Variants in ZNF141 observed in about 807,000 individuals in gnomAD.
ZNF141 encodes zinc finger protein 141, also known as zinc finger protein 141 (clone pHZ-44).
ZNF141 carries 7 observed loss-of-function variants against 11.3 expected under a neutral mutation model. That is an observed-to-expected ratio of 0.62 (90% confidence interval 0.35 to 1.16). ZNF141 has a LOEUF of 1.16. ZNF141 is among the 50% of genes most tolerant of loss of function. The pLI is 0.02. For synonymous variants in ZNF141, 183 were observed against 190.7 expected, an observed-to-expected ratio of 0.96 and a Z score of 0.33; for missense variants, 535 against 554.0, an observed-to-expected ratio of 0.97 and a Z score of 0.34.
At position 379,066 on chromosome 4, in the gene ZNF141, A is replaced by G. The variant is rs899652191; in HGVS notation, c.*5204A>G. Among the ~76,000 whole-genome samples the G allele has an allele frequency of 6.6e-6, 1 of 151,806 alleles. No homozygotes were observed. Among genetic ancestry groups the G allele is most frequent in the Non-Finnish European group, 1.5e-5 (1 of 67,980 alleles). On this transcript the variant is annotated 3_prime_UTR_variant, in exon 4 of 4. Coordinates refer to ENST00000240499, the MANE Select transcript of ZNF141 (RefSeq NM_003441.4). ...CACTCTGTTGGCCAGGCTGGTCTCG[A>G]GCTCCTGTCCTCGTGATCCACGCAC...
intron 3 of ZNF141, among the ~76,000 whole-genome samples, chr4:354,465 TCTC>T (rs1721756134): frequency 6.6e-6 from 1 of 152,220 alleles, no homozygotes; most frequent in Admixed American, 6.5e-5. Context: ...GAGTATTTAC[TCTC>T]CTCCCTTTTC....
chr4:345,009 C>A (rs528677676), intron 3 of ZNF141, among the ~76,000 whole-genome samples: 3 of 152,234 alleles, frequency 2.0e-5, no homozygotes, highest in African/African-American at 7.2e-5. Flanking sequence ...TAAGGGGCTG[C>A]ATGATGTGAC....
At chr4:353,185 C>A (rs1251118512) in intron 3 of ZNF141, among the ~76,000 whole-genome samples, 1 of 152,050 alleles carries the variant, frequency 6.6e-6, no homozygotes, top group Non-Finnish European at 1.5e-5. Context: ...CCAGCCTGGG[C>A]AACCTGGTGA....
rs928591993 is a variant in ZNF141 at position 342,988 on chromosome 4, C to T, written c.4-794C>T. On this transcript the variant is annotated intron_variant, in intron 1 of 3. Coordinates refer to ENST00000240499, the MANE Select transcript of ZNF141 (RefSeq NM_003441.4). ...CTTATTTTTTAAAATCAGTTCCTTG[C>T]GTGGTTAAAAAAGTATTAAAAAAGT... The T allele has an allele frequency of 4.8e-5, 62 of 1,300,408 alleles. 1 individual carries two copies. In the Middle Eastern group the frequency reaches 9.8e-4, roughly 21 times the overall value. 80.6% of individuals were successfully genotyped at this position (1,300,408 alleles called of 1,614,324 possible).
rs189278615 is a variant in ZNF141, at chr4:344,402, G to A, written c.198G>A (p.Lys66=). The A allele has an allele frequency of 7.5e-5, 121 of 1,607,414 alleles. No homozygotes were observed. The East Asian group carries it at 1.6e-3, about 21-fold the overall frequency. ...LEQRKEPYNV[K]IHKIVARPPA... Reference sequence around the variant, plus strand: ...AAAGAAAAGAGCCCTACAATGTGAAGATACATAAGATCGTAGCCAGACCCC... The same window carrying A: ...AAAGAAAAGAGCCCTACAATGTGAAAATACATAAGATCGTAGCCAGACCCC... Residue 66 remains lysine, a synonymous_variant, in exon 3 of 4, where the codon AAG becomes AAA. Transcript: ENST00000240499.
chr4:344,045 A>C (rs797038610), intron 2 of ZNF141, 137 bp downstream of exon 2: 1 of 1,258,626 alleles, frequency 7.9e-7, no homozygotes, highest in Non-Finnish European at 1.1e-6. Flanking sequence ...TGAGTCCTTC[A>C]CTCTAGGTTA....
intron 3 of ZNF141, 145 bp from the exon 4 acceptor site, chr4:372,519 A>C: frequency 1.6e-6 from 1 of 636,810 alleles, no homozygotes; most frequent in Non-Finnish European, 2.4e-6. Flanking sequence ...TGTTTGCTAC[A>C]TGTATATGTC....
intron 3 of ZNF141, among the ~76,000 whole-genome samples, chr4:372,278 G>T (rs182765180): frequency 1.0e-3 from 152 of 152,354 alleles, no homozygotes; most frequent in African/African-American, 3.4e-3. Context: ...AAAGCCAGAA[G>T]TAAGGATATG....
intron 3 of ZNF141, among the ~76,000 whole-genome samples, chr4:366,629 A>G (rs1711756481): frequency 6.6e-6 from 1 of 151,696 alleles, no homozygotes; most frequent in African/African-American, 2.4e-5. Flanking sequence ...TTATCAGTGT[A>G]GAGAGTGTTC....
chr4:341,776 C>A (rs929492772), intron 1 of ZNF141, among the ~76,000 whole-genome samples: 7 of 152,180 alleles, frequency 4.6e-5, no homozygotes, highest in African/African-American at 1.7e-4. Flanking sequence ...TTTAGGGTGG[C>A]TACTCCAGTC....
chr4:343,768 A>G lies in ZNF141; in HGVS notation c.4-14A>G. On this transcript the variant is annotated splice_polypyrimidine_tract_variant and intron_variant, in intron 1 of 3. Coordinates refer to ENST00000240499, the MANE Select transcript of ZNF141 (RefSeq NM_003441.4). The stretch of plus-strand genomic sequence containing the variant: ...AAAAAAGAACTATGTCCCTTGATAT[A>G]TTTGTATTTTCAGGAACTCTTAACA... The G allele has an allele frequency of 9.1e-7, 1 of 1,097,878 alleles. No homozygotes were observed. The highest frequency in any genetic ancestry group is 2.7e-5 in the East Asian group (1 of 37,100). 68.0% of individuals were successfully genotyped at this position (1,097,878 alleles called of 1,614,324 possible).
At chr4:340,824 C>T (rs75234965) in intron 1 of ZNF141, among the ~76,000 whole-genome samples, 8 of 152,306 alleles carry the variant, frequency 5.3e-5, no homozygotes, top group South Asian at 2.1e-4. Context: ...AGCTTAACAA[C>T]GTACATAGCC....
In ZNF141 at chr4:384,036, C is replaced by G. The variant is rs148292370; in HGVS notation, c.*10174C>G. ...ATTTTTTTGTTCGAAATGTCAAGGACCTGGACAGTTCACACTCACGGCCTT... is the reference window on the plus strand; with the variant it reads ...ATTTTTTTGTTCGAAATGTCAAGGAGCTGGACAGTTCACACTCACGGCCTT... On this transcript the variant is annotated 3_prime_UTR_variant, in exon 4 of 4. Coordinates refer to ENST00000240499, the MANE Select transcript of ZNF141 (RefSeq NM_003441.4). 2.8e-4 allele frequency: 43 copies of G among 152,292 alleles called. No homozygotes were observed. Among genetic ancestry groups the G allele is most frequent in the African/African-American group, 9.9e-4 (41 of 41,556 alleles). The allele number at this position is 152,292 out of a possible 1,614,324, so 9.4% of individuals were successfully genotyped here. A position where few individuals can be genotyped will look rare whatever the true frequency, so the allele number is the denominator to read the frequency against.
chr4:342,076 TAA>T (rs1248047921), intron 1 of ZNF141, among the ~76,000 whole-genome samples: 1 of 152,176 alleles, frequency 6.6e-6, no homozygotes, highest in African/African-American at 2.4e-5. Flanking sequence ...TACATTTTTT[TAA>T]AAAGTCAGGG....
At chr4:352,785 C>A (rs1721662931) in intron 3 of ZNF141, among the ~76,000 whole-genome samples, 1 of 152,080 alleles carries the variant, frequency 6.6e-6, no homozygotes, top group African/African-American at 2.4e-5. Context: ...AATATAATAA[C>A]CTGGAAAACA....
chr4:350,898 C>A (rs1434906223), intron 3 of ZNF141, among the ~76,000 whole-genome samples: 2 of 151,730 alleles, frequency 1.3e-5, no homozygotes, highest in Admixed American at 1.3e-4. Flanking sequence ...TGCCACCATG[C>A]CCGGCTAATT....
chr4:369,158 T>TACAC (rs57543494), intron 3 of ZNF141, among the ~76,000 whole-genome samples: 2 of 150,966 alleles, frequency 1.3e-5, no homozygotes, highest in African/African-American at 2.4e-5. Flanking sequence ...TAGTGTAAGA[T>TACAC]ACACACACAC....
intron 3 of ZNF141, among the ~76,000 whole-genome samples, chr4:352,082 A>G (rs782533741): frequency 6.6e-6 from 1 of 152,168 alleles, no homozygotes; most frequent in African/African-American, 2.4e-5. Flanking sequence ...AGAGGAGCAA[A>G]CAAGATTAGA....
intron 3 of ZNF141, among the ~76,000 whole-genome samples, chr4:370,390 T>A (rs1263105546): frequency 3.3e-5 from 5 of 151,334 alleles, no homozygotes; most frequent in Non-Finnish European, 7.4e-5. Flanking sequence ...TAGTTCAGCA[T>A]TTTTTTTTAT....
Sources: gnomAD v4.1 joint callset for allele counts (sites outside exome capture counted in the v4.1 genomes callset) on GRCh38, gnomAD v4.1.1 for gene constraint, MANE v1.5 for transcripts, NCBI Gene and HGNC (gene_info 2026-07-23, HGNC 2026-07-21) for gene names.